The following TRIM44 variants were observed in gnomAD, a reference collection of about 807,000 sequenced individuals.
The protein encoded by TRIM44 is tripartite motif containing 44.
TRIM44 carries 13 observed loss-of-function variants against 37.4 expected under a neutral mutation model. That is an observed-to-expected ratio of 0.35 (90% CI 0.23 to 0.55). TRIM44 has a LOEUF of 0.55. Among genes scored for constraint, TRIM44 ranks in the 20% least tolerant of loss-of-function variants. The pLI is 0.89. For synonymous variants in TRIM44, 175 were observed against 157.2 expected (o/e 1.11, Z -0.85); for missense variants, 426 against 437.2 (o/e 0.97, Z 0.23).
intron 4 of TRIM44, among the ~76,000 whole-genome samples, chr11:35,765,894 A>G (rs796099319): frequency 1.3e-5 from 2 of 152,156 alleles, no homozygotes; most frequent in African/African-American, 4.8e-5. Context: ...TTTGTCGGAG[A>G]CTAATTGTAA....
In TRIM44 at chr11:35,715,917, G is replaced by T. The variant is rs7924904; in HGVS notation, c.748-10007G>T. Among the ~76,000 whole-genome samples, 627 of 152,224 alleles carry T rather than the reference G, an allele frequency of 4.1e-3. 3 individuals carry two copies. Among genetic ancestry groups the T allele is most frequent in the Non-Finnish European group, 6.1e-3 (418 of 68,010 alleles). On this transcript the variant is annotated intron_variant, in intron 2 of 4. Coordinates refer to ENST00000299413, the MANE Select transcript of TRIM44 (RefSeq NM_017583.6). ...CTTGTGAGAACTCCCTCATTATACA[G>T]TACCAAGAGGGATGGTGGTAAATCA...
In TRIM44 at chr11:35,751,098, C is replaced by T. The variant is rs574993955; in HGVS notation, c.1007+15653C>T. 4.6e-5 allele frequency among the ~76,000 whole-genome samples: 7 copies of T among 152,250 alleles called. No individual in the cohort carries two copies. The East Asian group carries it at 1.3e-3, about 29-fold the overall frequency. ...AAGCAACCCAGCACATTGCCTAGCA[C>T]AGAGTAGACACTCAAATCTTGGTTA... On this transcript the variant is annotated intron_variant, in intron 4 of 4. Transcript: ENST00000299413.
intron 4 of TRIM44, among the ~76,000 whole-genome samples, chr11:35,795,780 C>A (rs1306135639): frequency 1.3e-5 from 2 of 152,050 alleles, no homozygotes; most frequent in Non-Finnish European, 2.9e-5. Context: ...GACTTCCAGT[C>A]GATCTCACTC....
intron 4 of TRIM44, among the ~76,000 whole-genome samples, chr11:35,794,375 C>T (rs1565033387): frequency 6.6e-6 from 1 of 152,224 alleles, no homozygotes; most frequent in Non-Finnish European, 1.5e-5. Flanking sequence ...GGCAAACACA[C>T]AGCTGTTTTA....
At chr11:35,724,457 A>G (rs578237325) in intron 2 of TRIM44, 1 of 152,302 alleles carries the variant, frequency 6.6e-6, no homozygotes, top group African/African-American at 2.4e-5. Context: ...AAAATCCTCC[A>G]TTGGCTTTTC....
At chr11:35,703,328 G>A (rs186095501) in intron 2 of TRIM44, among the ~76,000 whole-genome samples, 1,948 of 152,300 alleles carry the variant, frequency 0.013, 45 homozygotes, top group African/African-American at 0.044. Context: ...CTGTGGGGGC[G>A]GGGCACAGAC....
chr11:35,756,758 G>T (rs1192476387), intron 4 of TRIM44, among the ~76,000 whole-genome samples: 1 of 152,156 alleles, frequency 6.6e-6, no homozygotes, highest in Non-Finnish European at 1.5e-5. Context: ...CATCTATTGA[G>T]ATAATCATGT....
chr11:35,712,822 C>T (rs1235626091), intron 2 of TRIM44, among the ~76,000 whole-genome samples: 1 of 152,068 alleles, frequency 6.6e-6, no homozygotes, highest in Non-Finnish European at 1.5e-5. Context: ...AATTTAGGAG[C>T]CGGGGTACCT....
chr11:35,740,169 A>G (rs1852377137), intron 4 of TRIM44, among the ~76,000 whole-genome samples: 1 of 150,742 alleles, frequency 6.6e-6, no homozygotes, highest in Non-Finnish European at 1.5e-5. Flanking sequence ...TAAGCAGAAA[A>G]GCAATTTACA....
At chr11:35,672,867 C>T (rs1851413953) in intron 1 of TRIM44, among the ~76,000 whole-genome samples, 1 of 152,162 alleles carries the variant, frequency 6.6e-6, no homozygotes, top group Admixed American at 6.5e-5. Flanking sequence ...GTAGCACTGG[C>T]ATACATAGTG....
At chr11:35,787,177 A>G (rs142292621) in intron 4 of TRIM44, among the ~76,000 whole-genome samples, 79 of 152,280 alleles carry the variant, frequency 5.2e-4, no homozygotes, top group African/African-American at 1.8e-3. Flanking sequence ...GCAAAGCGAG[A>G]TGGTGCATCC....
intron 4 of TRIM44, among the ~76,000 whole-genome samples, chr11:35,772,888 G>A (rs1031847967): frequency 1.3e-5 from 2 of 152,144 alleles, no homozygotes; most frequent in African/African-American, 2.4e-5. Context: ...TGAAATGTGA[G>A]GACTTGAGAT....
Position 35,806,607 on chromosome 11 carries a change from GC to G in TRIM44, c.*226del, listed in dbSNP as rs1590614774. 2 of 548,238 alleles carry G rather than the reference GC, an allele frequency of 3.6e-6. No individual in the cohort carries two copies. Among genetic ancestry groups the G allele is most frequent in the Non-Finnish European group, 6.5e-6 (2 of 307,502 alleles). The allele number at this position is 548,238 out of a possible 1,614,324, so 34.0% of individuals were successfully genotyped here. A position where few individuals can be genotyped will look rare whatever the true frequency, so the allele number is the denominator to read the frequency against. On this transcript the variant is annotated 3_prime_UTR_variant, in exon 5 of 5. Coordinates refer to ENST00000299413, the MANE Select transcript of TRIM44 (RefSeq NM_017583.6). Reference sequence around the variant, plus strand: ...TGGTTGTGGTAGGTCAAGGAAAAGAGCCCCTTTGATCCACCAGGAGCAATTA... The same window carrying G: ...TGGTTGTGGTAGGTCAAGGAAAAGAGCCCTTTGATCCACCAGGAGCAATTA...
At chr11:35,798,426 G>A (rs1234538600) in intron 4 of TRIM44, among the ~76,000 whole-genome samples, 1 of 152,090 alleles carries the variant, frequency 6.6e-6, no homozygotes, top group African/African-American at 2.4e-5. Context: ...TAGTTCATTG[G>A]CAACAAATAT....
At chr11:35,716,158 A>G (rs1852037858) in intron 2 of TRIM44, among the ~76,000 whole-genome samples, 1 of 152,210 alleles carries the variant, frequency 6.6e-6, no homozygotes, top group Non-Finnish European at 1.5e-5. Flanking sequence ...TGAAGAGCAC[A>G]TATAATCACT....
At chr11:35,665,545 A>G (rs1466158908) in intron 1 of TRIM44, among the ~76,000 whole-genome samples, 1 of 103,132 alleles carries the variant, frequency 9.7e-6, no homozygotes, top group Non-Finnish European at 2.2e-5. Context: ...CCATTTTTCT[A>G]TTGAGTTGTC....
At chr11:35,675,131 G>A (rs905981415) in intron 1 of TRIM44, among the ~76,000 whole-genome samples, 2 of 152,086 alleles carry the variant, frequency 1.3e-5, no homozygotes, top group African/African-American at 4.8e-5. Context: ...ATTCATCTTT[G>A]TATTCCCAGC....
chr11:35,681,952 CTTT>C (rs35760830), intron 1 of TRIM44, among the ~76,000 whole-genome samples: 88 of 101,372 alleles, frequency 8.7e-4, no homozygotes, highest in African/African-American at 3.2e-3. Context: ...ATGTCCCATA[CTTT>C]TTTTTTTTTT....
chr11:35,753,238 C>G (rs1477418759), intron 4 of TRIM44, among the ~76,000 whole-genome samples: 1 of 152,116 alleles, frequency 6.6e-6, no homozygotes, highest in Non-Finnish European at 1.5e-5. Context: ...GTATATGAGT[C>G]TTTTGAAAAC....
Sources: gnomAD v4.1 joint callset for allele counts (sites outside exome capture counted in the v4.1 genomes callset) on GRCh38, gnomAD v4.1.1 for gene constraint, MANE v1.5 for transcripts, NCBI Gene and HGNC (gene_info 2026-07-23, HGNC 2026-07-21) for gene names.